The following PRRC2B variants were observed in gnomAD, a reference collection of about 807,000 sequenced individuals.
PRRC2B encodes proline rich coiled-coil 2B.
PRRC2B carries 68 observed loss-of-function variants against 242.3 expected under a neutral mutation model. The ratio of observed to expected loss-of-function variants is 0.28; its 90% CI spans 0.23 to 0.34. The LOEUF (loss-of-function observed/expected upper bound fraction) is 0.34, where lower values mean the gene tolerates loss of function less well. Among genes scored for constraint, PRRC2B ranks in the 10% least tolerant of loss-of-function variants. PRRC2B has a pLI of 1.00. For synonymous variants in PRRC2B, 1,228 were observed against 1,173.6 expected, an observed-to-expected ratio of 1.05 and a Z score of -0.95; for missense variants, 2,835 against 2,954.8, an observed-to-expected ratio of 0.96 and a Z score of 0.94.
In PRRC2B at chr9:131,420,497, T is replaced by TCGTTCGTTCGTTC. The variant is rs72209206; in HGVS notation, c.-51-9597_-51-9596insCGTTCGTTCGTTC. Among the ~76,000 whole-genome samples the TCGTTCGTTCGTTC allele has an allele frequency of 4.9e-3, 80 of 16,468 alleles. 5 individuals are homozygous for TCGTTCGTTCGTTC. The highest frequency in any genetic ancestry group is 0.062 in the Middle Eastern group (2 of 32). 10.8% of individuals were successfully genotyped at this position (16,468 alleles called of 152,430 possible). A position where few individuals can be genotyped will look rare whatever the true frequency, so the allele number is the denominator to read the frequency against. On this transcript the variant is annotated intron_variant, in intron 1 of 31. Coordinates refer to ENST00000683519, the MANE Select transcript of PRRC2B (RefSeq NM_013318.4). ...TCTTTCTTTCTTTCTTTCTTTCTTT[T>TCGTTCGTTCGTTC]TTTTTTTTTTTTTGAGATGGAGGCT...
intron 12 of PRRC2B, among the ~76,000 whole-genome samples, chr9:131,466,768 C>T (rs951391482): frequency 4.0e-5 from 6 of 151,768 alleles, no homozygotes; most frequent in South Asian, 2.1e-4. Context: ...TACAGGCGAG[C>T]GCCACCATGC....
intron 23 of PRRC2B, among the ~76,000 whole-genome samples, chr9:131,484,193 C>T (rs920204456): frequency 2.0e-5 from 3 of 152,222 alleles, no homozygotes; most frequent in Non-Finnish European, 4.4e-5. Context: ...CCTCTGTTAC[C>T]AGAGCCCTCT....
intron 1 of PRRC2B, among the ~76,000 whole-genome samples, chr9:131,412,794 T>C (rs1837539309): frequency 1.9e-5 from 2 of 107,396 alleles, no homozygotes; most frequent in Non-Finnish European, 4.0e-5. Flanking sequence ...ATTCTCTCTC[T>C]CTCTTTTTTT....
In PRRC2B at chr9:131,446,768, C is replaced by A; in HGVS notation, c.855+126C>A. ...CCTGTTACCCTACTTCTGAGGCTTC[C>A]ACTCGTTTTGCATTTTCTCTCCCTG... On this transcript the variant is annotated intron_variant, in intron 7 of 31. Transcript: ENST00000683519. This position sits in a 1 kb window ranked among gnomAD's most constrained non-coding sequence, Gnocchi z 4.1. The A allele has an allele frequency of 8.8e-7, 1 of 1,134,634 alleles. No individual in the cohort carries two copies. The highest frequency in any genetic ancestry group is 2.4e-5 in the East Asian group (1 of 40,936). The allele number at this position is 1,134,634 out of a possible 1,614,324, so 70.3% of individuals were successfully genotyped here.
chr9:131,434,876 C>G (rs1434668667), intron 3 of PRRC2B, among the ~76,000 whole-genome samples: 2 of 152,180 alleles, frequency 1.3e-5, no homozygotes, highest in Non-Finnish European at 2.9e-5. Context: ...TTCACTGACA[C>G]AGCCTTTTTT....
At chr9:131,486,563 C>T (rs546759524) in intron 26 of PRRC2B, 2 of 981,862 alleles carry the variant, frequency 2.0e-6, no homozygotes, top group East Asian at 1.2e-4. Context: ...AATGAGCAGG[C>T]GTTGGTTATT....
chr9:131,389,927 G>GT (rs111552315), upstream of PRRC2B, among the ~76,000 whole-genome samples: 354 of 105,544 alleles, frequency 3.4e-3, 10 homozygotes, highest in African/African-American at 0.011. Context: ...TTTTTTTTTT[G>GT]TTTTTTTTTT....
At chr9:131,461,885 C>T (rs2994072) in intron 11 of PRRC2B, among the ~76,000 whole-genome samples, 149,002 of 152,316 alleles carry the variant, frequency 0.98, 72,975 homozygotes, top group East Asian at 1. Context: ...AAATGCCCCT[C>T]AGCTACAGTC....
chr9:131,484,863 C>A (rs1943974030), intron 24 of PRRC2B, 73 bp downstream of exon 24: 2 of 1,563,688 alleles, frequency 1.3e-6, no homozygotes, highest in African/African-American at 1.4e-5. Flanking sequence ...GGGAGGAGTC[C>A]CCGAACCCCT....
At chr9:131,400,161 G>A (rs796941144) in intron 1 of PRRC2B, among the ~76,000 whole-genome samples, 3 of 152,182 alleles carry the variant, frequency 2.0e-5, no homozygotes, top group African/African-American at 7.2e-5. Flanking sequence ...TCAGCTCACC[G>A]TAACCTCTGC....
chr9:131,427,896 T>A (rs1360540042), intron 1 of PRRC2B, among the ~76,000 whole-genome samples: 1 of 152,218 alleles, frequency 6.6e-6, no homozygotes, highest in Non-Finnish European at 1.5e-5. Flanking sequence ...TGATGATCAC[T>A]TATACAAGTG....
rs1255992725 is a variant in PRRC2B, at chr9:131,494,573, T to C, written c.6555+87T>C. ...AAGAGAAGGGACTGTCCAACCTATCTGAGCGCCCCCTGTCTAAAGACAGCC... is the reference window on the plus strand; with the variant it reads ...AAGAGAAGGGACTGTCCAACCTATCCGAGCGCCCCCTGTCTAAAGACAGCC... On this transcript the variant is annotated intron_variant, in intron 31 of 31. Transcript: ENST00000683519. This position sits in a 1 kb window ranked among gnomAD's most constrained non-coding sequence, Gnocchi z 4.3. 2.8e-6 allele frequency: 2 copies of C among 725,490 alleles called. No individual in the cohort carries two copies. The highest frequency in any genetic ancestry group is 1.8e-5 in the South Asian group (1 of 56,730). 44.9% of individuals were successfully genotyped at this position (725,490 alleles called of 1,614,324 possible).
intron 1 of PRRC2B, among the ~76,000 whole-genome samples, chr9:131,420,642 A>G (rs1005556665): frequency 1.1e-4 from 17 of 150,380 alleles, no homozygotes; most frequent in African/African-American, 3.9e-4. Flanking sequence ...GGCATGCACT[A>G]CCACGCCCAG....
chr9:131,487,094 G>T lies in PRRC2B; in HGVS notation c.5857-73G>T, dbSNP rs188172263. 3.9e-3 allele frequency: 5,438 copies of T among 1,391,836 alleles called. 19 individuals are homozygous for T. The highest frequency in any genetic ancestry group is 4.9e-3 in the Non-Finnish European group (4,846 of 989,250). 86.2% of individuals were successfully genotyped at this position (1,391,836 alleles called of 1,614,324 possible). A position where few individuals can be genotyped will look rare whatever the true frequency, so the allele number is the denominator to read the frequency against. On this transcript the variant is annotated intron_variant, in intron 26 of 31. Coordinates refer to ENST00000683519, the MANE Select transcript of PRRC2B (RefSeq NM_013318.4). This position sits in a 1 kb window ranked among gnomAD's most constrained non-coding sequence, Gnocchi z 5.3. ...CCAGCAGCCATGTGGAGAGGGGCAG[G>T]GGAGGTGGGAGGGGAAGAACCACCT... is the stretch of plus-strand genomic sequence containing the variant.
intron 28 of PRRC2B, chr9:131,490,360 C>T (rs995683586): frequency 1.2e-5 from 6 of 486,888 alleles, no homozygotes; most frequent in African/African-American, 1.2e-4. Context: ...CCTGGCCTCC[C>T]TGCAAGTCAG....
chr9:131,492,084 C>T (rs954480117), intron 29 of PRRC2B, 85 bp from the exon 30 acceptor site: 1 of 1,077,118 alleles, frequency 9.3e-7, no homozygotes, highest in African/African-American at 1.6e-5. Context: ...CCCTCACCAC[C>T]TCTGCCCTGG....
intron 10 of PRRC2B, among the ~76,000 whole-genome samples, chr9:131,458,941 T>C (rs1943162802): frequency 6.6e-6 from 1 of 152,152 alleles, no homozygotes. Context: ...ATCGGTGAAA[T>C]AGTGTGACAT....
intron 1 of PRRC2B, among the ~76,000 whole-genome samples, chr9:131,420,455 TTCTTTCTTTC>T (rs1426313684): frequency 9.9e-5 from 1 of 10,058 alleles, no homozygotes; most frequent in African/African-American, 1.7e-4. Flanking sequence ...CTTTTTCTTT[TTCTTTCTTTC>T]TTTCTTTCTT....
intron 1 of PRRC2B, among the ~76,000 whole-genome samples, chr9:131,429,881 G>C (rs1042238336): frequency 1.3e-5 from 2 of 151,968 alleles, no homozygotes; most frequent in African/African-American, 2.4e-5. Context: ...GATCGCCTCG[G>C]GGTGTCTACA....
Sources: gnomAD v4.1 joint callset for allele counts (sites outside exome capture counted in the v4.1 genomes callset) on GRCh38, gnomAD v4.1.1 for gene constraint, Gnocchi (gnomAD v3.1) non-coding constraint, MANE v1.5 for transcripts, NCBI Gene and HGNC (gene_info 2026-07-23, HGNC 2026-07-21) for gene names.